The following PI4KB variants were observed in gnomAD, a reference collection of about 807,000 sequenced individuals.
The protein encoded by PI4KB is PtdIns 4-kinase beta.
Under a neutral mutation model 81.4 loss-of-function variants are expected in PI4KB, and 23 were observed. The ratio of observed to expected loss-of-function variants is 0.28; its 90% CI spans 0.20 to 0.40. PI4KB has a LOEUF of 0.40. Among genes scored for constraint, PI4KB ranks in the 10% least tolerant of loss-of-function variants. The pLI, the probability that PI4KB is intolerant of heterozygous loss-of-function variation, is 1.00. For synonymous variants in PI4KB, 381 were observed against 406.8 expected (o/e 0.94, Z 0.76); for missense variants, 651 against 1,036.6 (o/e 0.63, Z 5.11).
rs957339653 is a variant in PI4KB at position 151,292,349 on chromosome 1, G to C, written c.*503C>G. On this transcript the variant is annotated 3_prime_UTR_variant, in exon 12 of 12. Transcript: ENST00000368873. Reference sequence around the variant, plus strand: ...GCGCCCGCCAGCAAGGGGAGCTTGGGCCAGGGGTCGGTCCCTGGGAGGGGT... The same window carrying C: ...GCGCCCGCCAGCAAGGGGAGCTTGGCCCAGGGGTCGGTCCCTGGGAGGGGT... 6.4e-6 allele frequency: 1 copy of C among 156,870 alleles called. No homozygotes were observed. 9.7% of individuals were successfully genotyped at this position (156,870 alleles called of 1,614,324 possible). A position where few individuals can be genotyped will look rare whatever the true frequency, so the allele number is the denominator to read the frequency against.
intron 1 of PI4KB, among the ~76,000 whole-genome samples, chr1:151,322,815 T>C (rs1366497512): frequency 1.3e-5 from 2 of 152,106 alleles, no homozygotes; most frequent in African/African-American, 2.4e-5. Context: ...TGGCTCACTA[T>C]ACGATTTCTG....
Position 151,307,808 on chromosome 1 carries a change from G to C in PI4KB, c.955-7C>G, listed in dbSNP as rs1695908702. ...CAGGAGCCAGTCGAACAGGCTACAG[G>C]GGTTTGGGGTAAGACAAAAGATGGT... On this transcript the variant is annotated splice_region_variant and splice_polypyrimidine_tract_variant and intron_variant, in intron 3 of 11. Coordinates refer to ENST00000368873, the MANE Select transcript of PI4KB (RefSeq NM_001369623.2). 6.2e-7 allele frequency: 1 copy of C among 1,602,816 alleles called. No homozygotes were observed. The highest frequency in any genetic ancestry group is 8.5e-7 in the Non-Finnish European group (1 of 1,169,830).
chr1:151,303,459 G>A (rs1360506034), intron 6 of PI4KB, 82 bp downstream of exon 6: 1 of 866,438 alleles, frequency 1.2e-6, no homozygotes, highest in Non-Finnish European at 2.0e-6. Context: ...ACAGATGATT[G>A]AGATGGAGAG....
chr1:151,314,129 T>TC (rs1557806031), intron 2 of PI4KB, among the ~76,000 whole-genome samples: 2 of 152,224 alleles, frequency 1.3e-5, no homozygotes, highest in Non-Finnish European at 2.9e-5. Flanking sequence ...CTCTATAGTC[T>TC]CCCTCCCTCT....
chr1:151,324,485 T>A (rs1649337974), intron 1 of PI4KB, among the ~76,000 whole-genome samples: 1 of 152,114 alleles, frequency 6.6e-6, no homozygotes, highest in Admixed American at 6.5e-5. Context: ...TCAAGCCAGC[T>A]CCAGCCCTAC....
chr1:151,305,451 A>T (rs587627840), intron 5 of PI4KB, among the ~76,000 whole-genome samples: 16 of 152,212 alleles, frequency 1.1e-4, no homozygotes, highest in Admixed American at 3.3e-4. Context: ...ATTTCTTTCA[A>T]TTCCTATAAT....
chr1:151,314,778 G>A (rs1212851711), intron 2 of PI4KB, among the ~76,000 whole-genome samples: 2 of 152,090 alleles, frequency 1.3e-5, no homozygotes, highest in Non-Finnish European at 2.9e-5. Context: ...AGATTATGAG[G>A]AGGAGTGGCC....
intron 6 of PI4KB, among the ~76,000 whole-genome samples, chr1:151,302,842 C>T (rs587701620): frequency 3.3e-5 from 5 of 151,756 alleles, no homozygotes; most frequent in African/African-American, 1.2e-4. Flanking sequence ...CTCAGCCTCC[C>T]AAAGTGTTGG....
chr1:151,296,572 G>C (rs1694815841), intron 9 of PI4KB, among the ~76,000 whole-genome samples: 1 of 151,566 alleles, frequency 6.6e-6, no homozygotes, highest in Admixed American at 6.6e-5. Flanking sequence ...CTGGGTTCAA[G>C]TGATTCTCCT....
intron 1 of PI4KB, chr1:151,324,756 T>C (rs1341055969): frequency 3.0e-6 from 3 of 985,308 alleles, no homozygotes; most frequent in Non-Finnish European, 3.6e-6. Flanking sequence ...TCTCTCTGAA[T>C]TGTTCCTCCC....
At chr1:151,314,324 G>A (rs1272818802) in intron 2 of PI4KB, among the ~76,000 whole-genome samples, 1 of 152,194 alleles carries the variant, frequency 6.6e-6, no homozygotes, top group Non-Finnish European at 1.5e-5. Flanking sequence ...GCCAGGATGG[G>A]AGCCTGGCCA....
intron 8 of PI4KB, 150 bp from the exon 9 acceptor site, chr1:151,299,223 C>T (rs1036970965): frequency 2.8e-6 from 2 of 717,328 alleles, no homozygotes; most frequent in Non-Finnish European, 4.6e-6. Flanking sequence ...CAGTGAGGAC[C>T]AGGGAGTTTG....
intron 1 of PI4KB, among the ~76,000 whole-genome samples, chr1:151,317,377 C>T (rs945429777): frequency 2.0e-5 from 3 of 151,700 alleles, no homozygotes; most frequent in Admixed American, 6.6e-5. Flanking sequence ...AGTGCAGTGG[C>T]GCGATCAGAA....
At chr1:151,296,473 TC>T (rs1390171998) in intron 9 of PI4KB, among the ~76,000 whole-genome samples, 1 of 150,260 alleles carries the variant, frequency 6.7e-6, no homozygotes, top group Non-Finnish European at 1.5e-5. Flanking sequence ...ATGCTAGATT[TC>T]TTTTTTTTTT....
At position 151,292,782 on chromosome 1, in the gene PI4KB, G is replaced by T; in HGVS notation, c.*70C>A. 7.0e-7 allele frequency: 1 copy of T among 1,427,148 alleles called. No homozygotes were observed. The highest frequency in any genetic ancestry group is 9.6e-7 in the Non-Finnish European group (1 of 1,041,346). The allele number at this position is 1,427,148 out of a possible 1,614,324, so 88.4% of individuals were successfully genotyped here. ...GGGTAGGTGGGGTTTCCTGGTTTGG[G>T]GTTTCTCAGACAAGGGCCCTCTAGG... On this transcript the variant is annotated 3_prime_UTR_variant, in exon 12 of 12. Coordinates refer to ENST00000368873, the MANE Select transcript of PI4KB (RefSeq NM_001369623.2).
In PI4KB at chr1:151,294,182, C is replaced by T. The variant is rs149448972; in HGVS notation, c.2149-44G>A. On this transcript the variant is annotated intron_variant, in intron 10 of 11. Transcript: ENST00000368873. ...GTTGTGTGCACAAGGGGTCTTACAC[C>T]GGGGATGGTCCCTGTCCTGACTGGC... The T allele has an allele frequency of 1.4e-5, 22 of 1,588,702 alleles. No individual in the cohort carries two copies. The East Asian group carries it at 2.0e-4, about 15-fold the overall frequency.
chr1:151,293,072 G>T (rs767444037), intron 11 of PI4KB, 39 bp from the exon 12 acceptor site: 1 of 1,604,806 alleles, frequency 6.2e-7, no homozygotes, highest in Non-Finnish European at 8.5e-7. Context: ...ATGGATGGAC[G>T]GGAGGGGCAG....
At position 151,316,194 on chromosome 1, in the gene PI4KB, C is replaced by T; in HGVS notation, c.288G>A (p.Gln96=). 6.2e-7 allele frequency: 1 copy of T among 1,614,124 alleles called. No homozygotes were observed. Residue 96 remains glutamine (Q), a synonymous_variant, in exon 2 of 12, where the codon CAG becomes CAA. Transcript: ENST00000368873. ...CCATCTCATCTTCCTCCTCCCTGAT[C>T]TGGGCAGGTGGATCATCTAGGCAAC... The part of the protein sequence containing the change: ...EIRCLDDPPA[Q]IREEEDEMGA...
At chr1:151,306,009 T>G (rs992622236) in intron 5 of PI4KB, 127 bp downstream of exon 5, 5 of 673,850 alleles carry the variant, frequency 7.4e-6, no homozygotes, top group African/African-American at 7.2e-5. Context: ...TACCCCTCAC[T>G]ACCTACACCA....
Sources: allele counts gnomAD v4.1 joint callset (sites outside exome capture counted in the v4.1 genomes callset), GRCh38; gene constraint gnomAD v4.1.1; transcripts MANE v1.5; gene names NCBI Gene and HGNC (gene_info 2026-07-23, HGNC 2026-07-21).